The following PLPPR1 variants were observed in gnomAD, a reference collection of about 807,000 sequenced individuals.
PLPPR1 encodes phospholipid phosphatase-related protein type 1.
In PLPPR1, 10 loss-of-function variants were observed where a neutral mutation model predicts 33.1. That is an observed-to-expected ratio of 0.30 (90% CI 0.19 to 0.51). The LOEUF (loss-of-function observed/expected upper bound fraction) is 0.51, where lower values mean the gene tolerates loss of function less well. PLPPR1 is among the 20% of genes least tolerant of loss of function. The pLI is 0.97. For missense variants in PLPPR1, 304 were observed against 408.1 expected, an observed-to-expected ratio of 0.74 and a Z score of 2.20; for synonymous variants, 151 against 151.0, an observed-to-expected ratio of 1.00 and a Z score of 0.00.
intron 5 of PLPPR1, 70 bp downstream of exon 5, chr9:101,309,531 C>A: frequency 6.6e-7 from 1 of 1,513,014 alleles, no homozygotes. Context: ...GCCCTGTCTC[C>A]ATTCTTTCAT....
intron 1 of PLPPR1, among the ~76,000 whole-genome samples, chr9:101,148,170 T>G (rs780133104): frequency 6.6e-6 from 1 of 152,154 alleles, no homozygotes; most frequent in Non-Finnish European, 1.5e-5. Flanking sequence ...CTCTGGAATG[T>G]ACCTCCCTTG....
chr9:101,047,622 A>AT (rs1170681333), intron 1 of PLPPR1, among the ~76,000 whole-genome samples: 2 of 151,418 alleles, frequency 1.3e-5, no homozygotes, highest in South Asian at 4.2e-4. Context: ...CTCTCTTTTC[A>AT]TTTTTTCAGC....
intron 3 of PLPPR1, among the ~76,000 whole-genome samples, chr9:101,278,016 C>T (rs559634787): frequency 7.9e-5 from 12 of 152,192 alleles, no homozygotes; most frequent in Non-Finnish European, 1.8e-4. Context: ...GAGATTTCAA[C>T]TCCAAAGCCC....
At chr9:101,114,853 A>G (rs914160388) in intron 1 of PLPPR1, among the ~76,000 whole-genome samples, 1 of 152,214 alleles carries the variant, frequency 6.6e-6, no homozygotes, top group African/African-American at 2.4e-5. Context: ...CAGTAGGTGG[A>G]TGCTGGTAGA....
intron 1 of PLPPR1, among the ~76,000 whole-genome samples, chr9:101,069,374 C>T (rs1356893698): frequency 1.3e-5 from 2 of 152,090 alleles, no homozygotes; most frequent in Non-Finnish European, 2.9e-5. Flanking sequence ...CACATCCCCT[C>T]TCTAGAGCCC....
At chr9:101,171,895 C>G (rs540253686) in intron 1 of PLPPR1, among the ~76,000 whole-genome samples, 2 of 152,250 alleles carry the variant, frequency 1.3e-5, no homozygotes, top group African/African-American at 4.8e-5. Flanking sequence ...CCTATTTAAC[C>G]TGTGTCAAAG....
In PLPPR1 at chr9:101,309,201, C is replaced by A. The variant is rs370634277; in HGVS notation, c.386-10C>A. On this transcript the variant is annotated splice_polypyrimidine_tract_variant and intron_variant, in intron 4 of 7. Transcript: ENST00000374874. ...GTTACCATTCCTAATGATTTTAAAT[C>A]TTCTTATAGGGGTGTTTGCATTTGG... 15 of 1,613,786 alleles carry A rather than the reference C, an allele frequency of 9.3e-6. No individual in the cohort carries two copies. The highest frequency in any genetic ancestry group is 1.3e-5 in the African/African-American group (1 of 74,998).
chr9:101,110,846 A>G (rs1055864271), intron 1 of PLPPR1, among the ~76,000 whole-genome samples: 16 of 152,090 alleles, frequency 1.1e-4, no homozygotes, highest in South Asian at 8.3e-4. Flanking sequence ...GAGCCTTAAG[A>G]TGTATACCTT....
chr9:101,264,425 C>G (rs1827950052), intron 2 of PLPPR1, among the ~76,000 whole-genome samples: 1 of 152,186 alleles, frequency 6.6e-6, no homozygotes, highest in African/African-American at 2.4e-5. Flanking sequence ...AATATCCCCC[C>G]TTCCATTGTT....
rs117549740 is a variant in PLPPR1 at position 101,051,779 on chromosome 9, G to A, written c.-46+22677G>A. 3.5e-3 allele frequency among the ~76,000 whole-genome samples: 531 copies of A among 152,208 alleles called. 4 individuals carry two copies. Among genetic ancestry groups the A allele is most frequent in the Non-Finnish European group, 5.6e-3 (380 of 68,028 alleles). ...AGGTAGACATTTATTCTTTAATTTA[G>A]AGATACAGAGCAAGTGTAAGTAATT... On this transcript the variant is annotated intron_variant, in intron 1 of 7. Coordinates refer to ENST00000374874, the MANE Select transcript of PLPPR1 (RefSeq NM_207299.2).
chr9:101,242,781 T>C (rs1305690070), intron 2 of PLPPR1, among the ~76,000 whole-genome samples: 2 of 152,076 alleles, frequency 1.3e-5, no homozygotes, highest in Non-Finnish European at 2.9e-5. Context: ...AAGTGCTCAC[T>C]GTGTACTGGT....
At chr9:101,284,600 A>G (rs1374952291) in intron 3 of PLPPR1, among the ~76,000 whole-genome samples, 1 of 152,200 alleles carries the variant, frequency 6.6e-6, no homozygotes, top group African/African-American at 2.4e-5. Flanking sequence ...ACTTTAATGC[A>G]TGTGTTCTAG....
chr9:101,203,996 A>C (rs1285537411), intron 2 of PLPPR1, among the ~76,000 whole-genome samples: 1 of 152,144 alleles, frequency 6.6e-6, no homozygotes, highest in Non-Finnish European at 1.5e-5. Flanking sequence ...GATAAATATC[A>C]GTGGAAACTT....
At chr9:101,101,627 T>C (rs1830902109) in intron 1 of PLPPR1, among the ~76,000 whole-genome samples, 1 of 151,884 alleles carries the variant, frequency 6.6e-6, no homozygotes, top group East Asian at 1.9e-4. Flanking sequence ...CTTGAATAAA[T>C]GGAATAAAAG....
chr9:101,277,618 T>TA (rs1828221356), intron 3 of PLPPR1, among the ~76,000 whole-genome samples: 1 of 152,152 alleles, frequency 6.6e-6, no homozygotes, highest in Non-Finnish European at 1.5e-5. Flanking sequence ...ATGTTGGAGC[T>TA]AAAAAAGCAC....
chr9:101,156,211 T>C (rs1282678236), intron 1 of PLPPR1, among the ~76,000 whole-genome samples: 1 of 152,070 alleles, frequency 6.6e-6, no homozygotes, highest in African/African-American at 2.4e-5. Context: ...GACCATGGGT[T>C]CCGAGTTTGT....
At chr9:101,144,195 T>A (rs1831492813) in intron 1 of PLPPR1, among the ~76,000 whole-genome samples, 1 of 151,784 alleles carries the variant, frequency 6.6e-6, no homozygotes, top group East Asian at 1.9e-4. Context: ...ATGTTCTCAC[T>A]CATAGGTGGG....
At chr9:101,145,670 C>T (rs1175312610) in intron 1 of PLPPR1, among the ~76,000 whole-genome samples, 1 of 151,566 alleles carries the variant, frequency 6.6e-6, no homozygotes, top group Non-Finnish European at 1.5e-5. Flanking sequence ...TGCAAGCCAT[C>T]ATGACTGGCA....
chr9:101,143,087 C>T (rs1479289781), intron 1 of PLPPR1, among the ~76,000 whole-genome samples: 2 of 152,042 alleles, frequency 1.3e-5, no homozygotes, highest in African/African-American at 4.8e-5. Context: ...ATTTCCTCGT[C>T]ATCTCTTATT....
Sources: gnomAD v4.1 joint callset for allele counts (sites outside exome capture counted in the v4.1 genomes callset) on GRCh38, gnomAD v4.1.1 for gene constraint, MANE v1.5 for transcripts, NCBI Gene and HGNC (gene_info 2026-07-23, HGNC 2026-07-21) for gene names.